The following TTC7A variants were observed in gnomAD, a reference collection of about 807,000 sequenced individuals.
The protein encoded by TTC7A is tetratricopeptide repeat protein 7A.
In TTC7A, 110 loss-of-function variants were observed where a neutral mutation model predicts 103.7. The observed-to-expected ratio is 1.06, with a 90% CI of 0.91 to 1.24. The LOEUF (loss-of-function observed/expected upper bound fraction) is 1.24, where lower values mean the gene tolerates loss of function less well. Ranked by LOEUF, TTC7A falls within the 50% of genes most tolerant of loss-of-function variation. The pLI, the probability that TTC7A is intolerant of heterozygous loss-of-function variation, is 0.00. For synonymous variants in TTC7A, 521 were observed against 467.9 expected (o/e 1.11, Z -1.47); for missense variants, 1,340 against 1,116.3 (o/e 1.20, Z -2.86).
At chr2:47,003,271 GGGC>G (rs1384416105) in intron 8 of TTC7A, among the ~76,000 whole-genome samples, 2 of 152,156 alleles carry the variant, frequency 1.3e-5, no homozygotes, top group African/African-American at 4.8e-5. Context: ...AACCAGACGG[GGGC>G]ATGTGAGCTG....
chr2:47,005,025 A>G (rs1325156727), intron 8 of TTC7A, among the ~76,000 whole-genome samples: 1 of 152,030 alleles, frequency 6.6e-6, no homozygotes, highest in East Asian at 1.9e-4. Flanking sequence ...ATTAGACAGA[A>G]TTTCCCGCTC....
intron 2 of TTC7A, among the ~76,000 whole-genome samples, chr2:46,930,225 G>T (rs1041490458): frequency 6.6e-6 from 1 of 151,792 alleles, no homozygotes; most frequent in Non-Finnish European, 1.5e-5. Flanking sequence ...ACAAAAACTG[G>T]TTCTTTTTTC....
At chr2:46,920,436 TCTC>T (rs1669043719) in intron 2 of TTC7A, among the ~76,000 whole-genome samples, 2 of 152,050 alleles carry the variant, frequency 1.3e-5, no homozygotes, top group Non-Finnish European at 2.9e-5. Context: ...TTCAAGCAGT[TCTC>T]CTGCCTCAGC....
At chr2:47,059,644 TC>T (rs1259781116) in intron 18 of TTC7A, among the ~76,000 whole-genome samples, 1 of 151,926 alleles carries the variant, frequency 6.6e-6, no homozygotes, top group Non-Finnish European at 1.5e-5. Flanking sequence ...TCCATCCCCT[TC>T]TCCCTGGACA....
Position 47,006,642 on chromosome 2 carries a change from G to T in TTC7A, c.1205G>T (p.Cys402Phe), listed in dbSNP as rs1418363230. The change falls in exon 10 of 20, where the codon TGC becomes TTC. Residue 402 changes from cysteine to phenylalanine, a missense_variant and splice_region_variant. Cys to Phe is a radical substitution (Grantham distance 205). Transcript: ENST00000319190. ...RRGQYVMLSECLERAMKFAFG... is the reference protein window; with the variant it reads ...RRGQYVMLSEFLERAMKFAFG... ...ATGCTGACTATCTCCCCTCCCCAGT[G>T]CCTGGAGCGAGCCATGAAGTTTGCG... The T allele has an allele frequency of 6.2e-7, 1 of 1,613,908 alleles. No homozygotes were observed. The highest frequency in any genetic ancestry group is 8.5e-7 in the Non-Finnish European group (1 of 1,179,762).
intron 8 of TTC7A, chr2:46,999,406 C>T (rs1441569370): frequency 2.0e-5 from 16 of 803,410 alleles, no homozygotes; most frequent in African/African-American, 5.6e-5. Context: ...ATCCAGCCAC[C>T]TACCAACCCT....
chr2:47,043,981 T>C (rs1171827256), intron 15 of TTC7A, among the ~76,000 whole-genome samples: 2 of 152,144 alleles, frequency 1.3e-5, no homozygotes, highest in Non-Finnish European at 2.9e-5. Flanking sequence ...GTGTGATGCC[T>C]GCAGAGGGCC....
At chr2:47,032,859 C>CAAA (rs10586448) in intron 15 of TTC7A, among the ~76,000 whole-genome samples, 24 of 87,922 alleles carry the variant, frequency 2.7e-4, no homozygotes, top group Admixed American at 3.8e-4. Context: ...TTGTTTTAAG[C>CAAA]AAAAAAAAAA....
At chr2:46,943,244 G>A (rs566060161) in intron 1 of TTC7A, among the ~76,000 whole-genome samples, 1 of 152,250 alleles carries the variant, frequency 6.6e-6, no homozygotes, top group South Asian at 2.1e-4. Context: ...ACCCTATTAG[G>A]AGGGCAGGAG....
intron 1 of TTC7A, among the ~76,000 whole-genome samples, chr2:46,945,345 C>T (rs1443241721): frequency 3.3e-5 from 5 of 151,852 alleles, no homozygotes; most frequent in East Asian, 3.9e-4. Context: ...CTCTGCCTCC[C>T]GGGTTCAAGC....
chr2:46,929,223 C>T (rs1669565809), intron 2 of TTC7A, among the ~76,000 whole-genome samples: 1 of 151,996 alleles, frequency 6.6e-6, no homozygotes, highest in South Asian at 2.1e-4. Context: ...GTGGCTCATG[C>T]ATGTAATCCT....
intron 18 of TTC7A, among the ~76,000 whole-genome samples, chr2:47,054,739 G>C (rs1397654847): frequency 6.6e-6 from 1 of 151,962 alleles, no homozygotes; most frequent in African/African-American, 2.4e-5. Flanking sequence ...GGAGGCTGAG[G>C]TGGGAGGATC....
intron 12 of TTC7A, among the ~76,000 whole-genome samples, chr2:47,022,692 CA>C (rs1344325001): frequency 6.6e-6 from 1 of 152,146 alleles, no homozygotes; most frequent in Non-Finnish European, 1.5e-5. Flanking sequence ...GTCACGGTGA[CA>C]TCGGGTATAA....
intron 19 of TTC7A, among the ~76,000 whole-genome samples, chr2:47,063,768 A>G (rs1683972185): frequency 6.6e-6 from 1 of 152,232 alleles, no homozygotes; most frequent in Non-Finnish European, 1.5e-5. Context: ...GCCACCCACA[A>G]GCCTGGGCTG....
chr2:46,977,249 T>G (rs994392691), intron 4 of TTC7A, among the ~76,000 whole-genome samples: 5 of 152,182 alleles, frequency 3.3e-5, no homozygotes, highest in African/African-American at 1.2e-4. Context: ...TTATCTAAGT[T>G]GAGGGAGGGC....
At chr2:47,021,439 G>C (rs1411521619) in intron 11 of TTC7A, among the ~76,000 whole-genome samples, 1 of 152,204 alleles carries the variant, frequency 6.6e-6, no homozygotes, top group Non-Finnish European at 1.5e-5. Context: ...CTGAAAGTTT[G>C]AGCTCCTTGT....
chr2:46,917,192 C>T, exon 2 of TTC7A: 1 of 701,564 alleles, frequency 1.4e-6, no homozygotes, highest in South Asian at 1.5e-5. Flanking sequence ...AGAAAAGAGT[C>T]TCCATGGTGC....
At chr2:47,010,361 A>G (rs941722232) in intron 10 of TTC7A, among the ~76,000 whole-genome samples, 5 of 152,230 alleles carry the variant, frequency 3.3e-5, no homozygotes, top group Non-Finnish European at 7.3e-5. Context: ...AGAGGGCCAG[A>G]TTTGGCCTGT....
intron 4 of TTC7A, among the ~76,000 whole-genome samples, chr2:46,975,564 C>A (rs920555601): frequency 1.3e-5 from 2 of 151,802 alleles, no homozygotes; most frequent in Non-Finnish European, 2.9e-5. Flanking sequence ...TTTTCAGATC[C>A]CCCTCCCTCC....
Sources: gnomAD v4.1 joint callset for allele counts (sites outside exome capture counted in the v4.1 genomes callset) on GRCh38, gnomAD v4.1.1 for gene constraint, MANE v1.5 for transcripts, NCBI Gene and HGNC (gene_info 2026-07-23, HGNC 2026-07-21) for gene names.